The following EIF4EBP2 variants were observed in gnomAD, a reference collection of about 807,000 sequenced individuals.
The protein encoded by EIF4EBP2 is eukaryotic translation initiation factor 4E binding protein 2, also known as eukaryotic translation initiation factor 4E-binding protein 2.
In EIF4EBP2, 5 loss-of-function variants were observed where a neutral mutation model predicts 10.3. The observed-to-expected ratio is 0.48, with a 90% CI of 0.25 to 1.02. The LOEUF (loss-of-function observed/expected upper bound fraction) is 1.02. Ranked by LOEUF, EIF4EBP2 falls within the 50% of genes least tolerant of loss-of-function variation. The pLI, the probability that EIF4EBP2 is intolerant of heterozygous loss-of-function variation, is 0.15. For missense variants in EIF4EBP2, 188 were observed against 162.2 expected (o/e 1.16, Z -0.86); for synonymous variants, 67 against 61.1 (o/e 1.10, Z -0.45).
At chr10:70,410,879 A>G (rs1225595921) in intron 1 of EIF4EBP2, among the ~76,000 whole-genome samples, 1 of 152,216 alleles carries the variant, frequency 6.6e-6, no homozygotes, top group Non-Finnish European at 1.5e-5. Flanking sequence ...AATTGAAGTT[A>G]CATGCCAAAT....
In EIF4EBP2 at chr10:70,419,900, AC is replaced by A. The variant is rs1845136309; in HGVS notation, c.146-11del. The stretch of plus-strand genomic sequence containing the variant: ...CTTAAATTGTTTCAAACTCTTTTTA[AC>A]CCTGTTTTCCAGGAACTCGAATCAT... On this transcript the variant is annotated splice_polypyrimidine_tract_variant and intron_variant, in intron 1 of 2. Coordinates refer to ENST00000373218, the MANE Select transcript of EIF4EBP2 (RefSeq NM_004096.5). 6.4e-7 allele frequency: 1 copy of A among 1,555,602 alleles called. No individual in the cohort carries two copies. Among genetic ancestry groups the A allele is most frequent in the Non-Finnish European group, 8.7e-7 (1 of 1,153,484 alleles).
At chr10:70,407,252 G>GACCCTGTGGCCTTCCGCAGTGTTTGT (rs1409528530) in intron 1 of EIF4EBP2, among the ~76,000 whole-genome samples, 8 of 152,114 alleles carry the variant, frequency 5.3e-5, no homozygotes, top group African/African-American at 1.7e-4. Flanking sequence ...CTAGGCAGAG[G>GACCCTGTGGCCTTCCGCAGTGTTTGT]ACCCTGTGGC....
At chr10:70,413,542 A>G in intron 1 of EIF4EBP2, among the ~76,000 whole-genome samples, 1 of 148,816 alleles carries the variant, frequency 6.7e-6, no homozygotes, top group Non-Finnish European at 1.5e-5. Flanking sequence ...CAGGAGGTCA[A>G]GGTTGCAGTA....
intron 1 of EIF4EBP2, among the ~76,000 whole-genome samples, chr10:70,411,372 T>C (rs372095180): frequency 1.6e-4 from 24 of 152,220 alleles, no homozygotes; most frequent in African/African-American, 5.5e-4. Flanking sequence ...ATGCTTTTTT[T>C]CTTGCCATTT....
At chr10:70,410,444 G>C (rs951996240) in intron 1 of EIF4EBP2, among the ~76,000 whole-genome samples, 1 of 152,198 alleles carries the variant, frequency 6.6e-6, no homozygotes, top group Admixed American at 6.5e-5. Context: ...AGTGAATGTG[G>C]TTTGGCCACC....
intron 2 of EIF4EBP2, among the ~76,000 whole-genome samples, chr10:70,420,783 C>A (rs1386776285): frequency 1.3e-5 from 2 of 152,012 alleles, no homozygotes; most frequent in Non-Finnish European, 2.9e-5. Context: ...GGCAAATAGA[C>A]CTTGTTTCTT....
At chr10:70,419,555 T>G (rs1243245703) in intron 1 of EIF4EBP2, among the ~76,000 whole-genome samples, 1 of 151,474 alleles carries the variant, frequency 6.6e-6, no homozygotes, top group East Asian at 1.9e-4. Context: ...CATAAGAAAC[T>G]CAGAGTCTAT....
chr10:70,406,567 G>T (rs1286617851), intron 1 of EIF4EBP2, among the ~76,000 whole-genome samples: 1 of 150,764 alleles, frequency 6.6e-6, no homozygotes, highest in Non-Finnish European at 1.5e-5. Context: ...ACCTAGACAC[G>T]TTTTTGGCTT....
intron 2 of EIF4EBP2, among the ~76,000 whole-genome samples, chr10:70,421,355 T>G (rs1219799708): frequency 6.6e-6 from 1 of 152,206 alleles, no homozygotes; most frequent in Non-Finnish European, 1.5e-5. Flanking sequence ...AGTTTTTTAA[T>G]GGACAAAGTG....
Position 70,424,152 on chromosome 10 carries a change from C to T in EIF4EBP2, c.*2405C>T, listed in dbSNP as rs561835955. ...GTGAAAACTTGGCTTCCTCACTGAACGGTGAGGAATGGATTTAAAGCATGA... is the reference window on the plus strand; with the variant it reads ...GTGAAAACTTGGCTTCCTCACTGAATGGTGAGGAATGGATTTAAAGCATGA... On this transcript the variant is annotated 3_prime_UTR_variant, in exon 3 of 3. Coordinates refer to ENST00000373218, the MANE Select transcript of EIF4EBP2 (RefSeq NM_004096.5). The T allele has an allele frequency of 1.2e-3, 184 of 152,230 alleles. No homozygotes were observed. Among genetic ancestry groups the T allele is most frequent in the African/African-American group, 4.3e-3 (180 of 41,528 alleles). The allele number at this position is 152,230 out of a possible 1,614,324, so 9.4% of individuals were successfully genotyped here. A position where few individuals can be genotyped will look rare whatever the true frequency, so the allele number is the denominator to read the frequency against.
In EIF4EBP2 at chr10:70,404,302, G is replaced by A. The variant is rs929609623; in HGVS notation, c.-100G>A. 8.7e-6 allele frequency: 12 copies of A among 1,384,494 alleles called. No homozygotes were observed. The highest frequency in any genetic ancestry group is 7.7e-5 in the South Asian group (5 of 65,314). The allele number at this position is 1,384,494 out of a possible 1,614,324, so 85.8% of individuals were successfully genotyped here. ...ACGGGAGGAAGCGAGCGAGGAGCGC[G>A]CAGAGCGCGCTTTTCCGTCCGCCTG... On this transcript the variant is annotated 5_prime_UTR_variant, in exon 1 of 3. Transcript: ENST00000373218.
At chr10:70,404,580 G>A in intron 1 of EIF4EBP2, 34 bp downstream of exon 1, 1 of 1,506,326 alleles carries the variant, frequency 6.6e-7, no homozygotes, top group Non-Finnish European at 8.8e-7. Context: ...CGCGCCCGGT[G>A]TCCCGCCGCG....
intron 1 of EIF4EBP2, among the ~76,000 whole-genome samples, chr10:70,409,001 A>G (rs1288982965): frequency 1.3e-5 from 2 of 152,206 alleles, no homozygotes; most frequent in Non-Finnish European, 1.5e-5. Context: ...CAGCATAACA[A>G]CAGTTGATGG....
chr10:70,419,972 T>C lies in EIF4EBP2; in HGVS notation c.204T>C (p.Ala68=). Residue 68 remains alanine (A), a synonymous_variant, in exon 2 of 3, where the codon GCT becomes GCC. Coordinates refer to ENST00000373218, the MANE Select transcript of EIF4EBP2 (RefSeq NM_004096.5). ...TGGATCGTCGCAATTCTCCCATGGC[T>C]CAGACCCCACCCTGCCACCTGCCCA... ...FLLDRRNSPM[A]QTPPCHLPNI... is the part of the protein sequence containing the mutation. 1 of 1,611,776 alleles carries C rather than the reference T, an allele frequency of 6.2e-7. No homozygotes were observed. The highest frequency in any genetic ancestry group is 8.5e-7 in the Non-Finnish European group (1 of 1,179,246).
In EIF4EBP2 at chr10:70,425,893, G is replaced by T. The variant is rs921017272; in HGVS notation, c.*4146G>T. On this transcript the variant is annotated 3_prime_UTR_variant, in exon 3 of 3. Coordinates refer to ENST00000373218, the MANE Select transcript of EIF4EBP2 (RefSeq NM_004096.5). ...ATAGATGATGTTATCAGGAAGCCAGGTTCCCACCAGAGTCGGTGCTTGGTA... is the reference window on the plus strand; with the variant it reads ...ATAGATGATGTTATCAGGAAGCCAGTTTCCCACCAGAGTCGGTGCTTGGTA... 5 of 152,226 alleles carry T rather than the reference G, an allele frequency of 3.3e-5. No individual in the cohort carries two copies. The highest frequency in any genetic ancestry group is 1.2e-4 in the African/African-American group (5 of 41,454). The allele number at this position is 152,226 out of a possible 1,614,324, so 9.4% of individuals were successfully genotyped here.
intron 1 of EIF4EBP2, among the ~76,000 whole-genome samples, chr10:70,406,858 A>G (rs891138059): frequency 3.9e-5 from 6 of 152,212 alleles, no homozygotes; most frequent in African/African-American, 1.4e-4. Flanking sequence ...GCTTGTATTT[A>G]TTGGGAGAGC....
chr10:70,420,598 A>G (rs1037115065), intron 2 of EIF4EBP2, among the ~76,000 whole-genome samples: 2 of 152,178 alleles, frequency 1.3e-5, no homozygotes, highest in African/African-American at 4.8e-5. Context: ...CTGAATTCTA[A>G]ATCATAAATC....
At chr10:70,408,451 A>G (rs1845007066) in intron 1 of EIF4EBP2, among the ~76,000 whole-genome samples, 1 of 152,210 alleles carries the variant, frequency 6.6e-6, no homozygotes, top group African/African-American at 2.4e-5. Context: ...CTTATTTAAT[A>G]TCTTTATAAG....
At chr10:70,407,948 C>T (rs1472324658) in intron 1 of EIF4EBP2, among the ~76,000 whole-genome samples, 7 of 69,442 alleles carry the variant, frequency 1.0e-4, no homozygotes, top group Admixed American at 1.4e-4. Context: ...AGGCGCCCCT[C>T]ACCTCCTGGA....
Sources: allele counts gnomAD v4.1 joint callset (sites outside exome capture counted in the v4.1 genomes callset), GRCh38; gene constraint gnomAD v4.1.1; transcripts MANE v1.5; gene names NCBI Gene and HGNC (gene_info 2026-07-23, HGNC 2026-07-21).